Variants in CAMK2D observed in about 807,000 individuals in gnomAD.
CAMK2D encodes the protein calcium/calmodulin-dependent protein kinase type II subunit delta.
In CAMK2D, 37 loss-of-function variants were observed where a neutral mutation model predicts 84.0. The ratio of observed to expected loss-of-function variants is 0.44; its 90% CI spans 0.34 to 0.58. The LOEUF is 0.58. CAMK2D is among the 20% of genes least tolerant of loss of function. CAMK2D has a pLI of 0.02. For synonymous variants in CAMK2D, 202 were observed against 212.5 expected (o/e 0.95, Z 0.43); for missense variants, 448 against 652.5 (o/e 0.69, Z 3.41).
At chr4:113,651,950 T>A (rs2099174920) in intron 3 of CAMK2D, among the ~76,000 whole-genome samples, 1 of 152,168 alleles carries the variant, frequency 6.6e-6, no homozygotes, top group African/African-American at 2.4e-5. Flanking sequence ...AATAATAATG[T>A]CATGCTAATA....
At chr4:113,738,871 T>C (rs115354494) in intron 2 of CAMK2D, among the ~76,000 whole-genome samples, 124 of 152,268 alleles carry the variant, frequency 8.1e-4, no homozygotes, top group African/African-American at 2.9e-3. Context: ...GGGAACAATA[T>C]TTACTAACTC....
At chr4:113,510,970 G>A (rs1281015846) in intron 12 of CAMK2D, among the ~76,000 whole-genome samples, 1 of 152,076 alleles carries the variant, frequency 6.6e-6, no homozygotes, top group Non-Finnish European at 1.5e-5. Flanking sequence ...TCCTGTGGCA[G>A]TTAATAGGTT....
At chr4:113,614,458 C>A (rs1428565885) in intron 3 of CAMK2D, among the ~76,000 whole-genome samples, 1 of 152,070 alleles carries the variant, frequency 6.6e-6, no homozygotes. Flanking sequence ...GCAAGCAAAA[C>A]CTTAATATGT....
intron 2 of CAMK2D, among the ~76,000 whole-genome samples, chr4:113,713,443 T>G (rs2099500600): frequency 6.7e-6 from 1 of 148,348 alleles, no homozygotes; most frequent in Admixed American, 6.8e-5. Flanking sequence ...AATGTAAACT[T>G]GTGATAGTTT....
chr4:113,462,643 C>G (rs993122772), intron 17 of CAMK2D, among the ~76,000 whole-genome samples: 1 of 151,916 alleles, frequency 6.6e-6, no homozygotes. Context: ...TTTAAAATAC[C>G]CTATTTTAAA....
chr4:113,468,949 G>A (rs2097512420), intron 16 of CAMK2D, among the ~76,000 whole-genome samples: 1 of 152,170 alleles, frequency 6.6e-6, no homozygotes, highest in Non-Finnish European at 1.5e-5. Flanking sequence ...AGGACACAAA[G>A]TACTTTCTGG....
At position 113,629,269 on chromosome 4, in the gene CAMK2D, CAAG is replaced by C. The variant is rs146190054; in HGVS notation, c.221-20066_221-20064del. On this transcript the variant is annotated intron_variant, in intron 3 of 20. Transcript: ENST00000511664. ...ACAAACAAATTTGTATCAGAAACTC[CAAG>C]AAGCTAAGGTAATAACAATTTCTGA... Among the ~76,000 whole-genome samples, 939 of 152,078 alleles carry C rather than the reference CAAG, an allele frequency of 6.2e-3. 10 individuals are homozygous for C. The highest frequency in any genetic ancestry group is 0.022 in the African/African-American group (897 of 41,526).
chr4:113,633,360 T>C (rs2099097747), intron 3 of CAMK2D, among the ~76,000 whole-genome samples: 1 of 152,164 alleles, frequency 6.6e-6, no homozygotes, highest in African/African-American at 2.4e-5. Flanking sequence ...GTATTAATAT[T>C]TTCAAAGGAC....
intron 16 of CAMK2D, among the ~76,000 whole-genome samples, chr4:113,473,233 A>C (rs1477046460): frequency 6.6e-6 from 1 of 152,154 alleles, no homozygotes; most frequent in African/African-American, 2.4e-5. Context: ...GTCTTTTTCC[A>C]TGCTGCCATT....
intron 2 of CAMK2D, among the ~76,000 whole-genome samples, chr4:113,688,487 C>T (rs1010214428): frequency 1.3e-5 from 2 of 152,122 alleles, no homozygotes; most frequent in African/African-American, 2.4e-5. Flanking sequence ...CCTTCATACA[C>T]GTTTCTAAAA....
intron 2 of CAMK2D, among the ~76,000 whole-genome samples, chr4:113,680,188 G>A (rs1244984313): frequency 6.6e-6 from 1 of 152,116 alleles, no homozygotes; most frequent in African/African-American, 2.4e-5. Flanking sequence ...CAGATGCTGA[G>A]ATGGCTTATA....
chr4:113,711,898 C>T (rs562023988), intron 2 of CAMK2D, among the ~76,000 whole-genome samples: 157 of 152,252 alleles, frequency 1.0e-3, no homozygotes, highest in Non-Finnish European at 1.9e-3. Flanking sequence ...ATTAAATATA[C>T]TTGTTCTCTC....
At chr4:113,658,956 A>G (rs573979119) in intron 3 of CAMK2D, among the ~76,000 whole-genome samples, 7 of 152,320 alleles carry the variant, frequency 4.6e-5, no homozygotes, top group African/African-American at 1.7e-4. Flanking sequence ...TTTGGCTGTT[A>G]TGGATCCTCG....
At chr4:113,596,712 A>G (rs1304946009) in intron 4 of CAMK2D, among the ~76,000 whole-genome samples, 1 of 152,152 alleles carries the variant, frequency 6.6e-6, no homozygotes, top group Non-Finnish European at 1.5e-5. Flanking sequence ...CAGGCTTAAA[A>G]TATTCAGTAA....
rs113725917 is a variant in CAMK2D at position 113,477,541 on chromosome 4, T to G, written c.1136-11937A>C. ...TGAATGGATCACTTGAGGTCAGGAG[T>G]TCGAGACCAGCCTGGCCACCATGGT... is the stretch of plus-strand genomic sequence containing the variant. On this transcript the variant is annotated intron_variant, in intron 16 of 20. Transcript: ENST00000511664. Among the ~76,000 whole-genome samples the G allele has an allele frequency of 3.3e-3, 492 of 150,514 alleles. 3 individuals are homozygous for G. The highest frequency in any genetic ancestry group is 0.011 in the African/African-American group (469 of 40,852).
At chr4:113,462,306 G>A (rs1205920089) in intron 17 of CAMK2D, among the ~76,000 whole-genome samples, 7 of 96,724 alleles carry the variant, frequency 7.2e-5, no homozygotes, top group Non-Finnish European at 1.0e-4. Flanking sequence ...CTGTCTGTCT[G>A]TCTGTCTGTC....
At chr4:113,626,080 A>G (rs2099067132) in intron 3 of CAMK2D, among the ~76,000 whole-genome samples, 1 of 152,076 alleles carries the variant, frequency 6.6e-6, no homozygotes, top group African/African-American at 2.4e-5. Flanking sequence ...CCAAAGGTAC[A>G]ATGAGATCAG....
chr4:113,535,687 C>T (rs1223573444), intron 7 of CAMK2D, among the ~76,000 whole-genome samples: 1 of 152,202 alleles, frequency 6.6e-6, no homozygotes, highest in Non-Finnish European at 1.5e-5. Context: ...ATGTGCAGAT[C>T]CCTCTGTCTG....
chr4:113,723,026 A>AC (rs533220402), intron 2 of CAMK2D, among the ~76,000 whole-genome samples: 124 of 152,066 alleles, frequency 8.2e-4, no homozygotes, highest in African/African-American at 2.7e-3. Flanking sequence ...TCTGAGCTAG[A>AC]CCCCTCATAT....
Sources: allele counts gnomAD v4.1 joint callset (sites outside exome capture counted in the v4.1 genomes callset), GRCh38; gene constraint gnomAD v4.1.1; transcripts MANE v1.5; gene names NCBI Gene and HGNC (gene_info 2026-07-23, HGNC 2026-07-21).